Variants in BMPR1A observed in about 807,000 individuals in gnomAD.
BMPR1A encodes the protein bone morphogenetic protein receptor type-1A.
Under a neutral mutation model 66.0 loss-of-function variants are expected in BMPR1A, and 7 were observed. The observed-to-expected ratio is 0.11, with a 90% confidence interval of 0.06 to 0.20. BMPR1A has a LOEUF of 0.20. Among genes scored for constraint, BMPR1A ranks in the 10% least tolerant of loss-of-function variants. The pLI is 1.00. For synonymous variants in BMPR1A, 200 were observed against 229.7 expected, an observed-to-expected ratio of 0.87 and a Z score of 1.17; for missense variants, 408 against 669.1, an observed-to-expected ratio of 0.61 and a Z score of 4.31.
chr10:86,805,305 C>T (rs1841873156), intron 1 of BMPR1A, among the ~76,000 whole-genome samples: 1 of 151,704 alleles, frequency 6.6e-6, no homozygotes, highest in Non-Finnish European at 1.5e-5. Flanking sequence ...TTCATACCCA[C>T]ATTCACCAGT....
chr10:86,787,240 C>G (rs1430569130), intron 1 of BMPR1A, among the ~76,000 whole-genome samples: 2 of 151,648 alleles, frequency 1.3e-5, no homozygotes, highest in African/African-American at 2.4e-5. Context: ...ATTTAATAGA[C>G]CAGGAACAAC....
intron 1 of BMPR1A, among the ~76,000 whole-genome samples, chr10:86,822,288 G>A (rs935627177): frequency 5.3e-5 from 8 of 152,142 alleles, no homozygotes; most frequent in African/African-American, 1.7e-4. Context: ...CCCAGTCTGT[G>A]TATGAGTAAA....
chr10:86,848,897 C>A (rs1231445694), intron 2 of BMPR1A, among the ~76,000 whole-genome samples: 1 of 152,200 alleles, frequency 6.6e-6, no homozygotes, highest in Non-Finnish European at 1.5e-5. Flanking sequence ...TCAGCCCCCC[C>A]TCTATAATAG....
chr10:86,830,729 A>G (rs1842257306), intron 1 of BMPR1A, among the ~76,000 whole-genome samples: 1 of 152,106 alleles, frequency 6.6e-6, no homozygotes, highest in Non-Finnish European at 1.5e-5. Flanking sequence ...TGAGGCTTTT[A>G]TCACATATAT....
rs781082609 is a variant in BMPR1A, at chr10:86,919,347, A to G, written c.1044A>G (p.Glu348=). The G allele has an allele frequency of 3.7e-6, 6 of 1,613,426 alleles. No homozygotes were observed. Among genetic ancestry groups the G allele is most frequent in the Non-Finnish European group, 5.1e-6 (6 of 1,179,870 alleles). The change falls in exon 10 of 13, where the codon GAA becomes GAG. Residue 348 remains glutamate (E), a synonymous_variant. Coordinates refer to ENST00000372037, the MANE Select transcript of BMPR1A (RefSeq NM_004329.3). ...AACGLCHLHT[E]IYGTQGKPAI... ...GTGGTCTGTGCCACCTGCACACAGAAATTTATGGCACCCAAGGAAAGCCCG... is the reference window on the plus strand; with the variant it reads ...GTGGTCTGTGCCACCTGCACACAGAGATTTATGGCACCCAAGGAAAGCCCG...
intron 1 of BMPR1A, among the ~76,000 whole-genome samples, chr10:86,808,526 CG>C (rs1841923276): frequency 6.6e-6 from 1 of 152,026 alleles, no homozygotes; most frequent in African/African-American, 2.4e-5. Context: ...GTCAATTCAC[CG>C]AAAGAGTTAA....
At chr10:86,887,637 G>C (rs1254432589) in intron 3 of BMPR1A, among the ~76,000 whole-genome samples, 1 of 152,104 alleles carries the variant, frequency 6.6e-6, no homozygotes, top group African/African-American at 2.4e-5. Context: ...TTCACTTCTT[G>C]CTGTTATCTC....
In BMPR1A at chr10:86,924,774, C is replaced by T. The variant is rs886187795; in HGVS notation, c.*1055C>T. 4.3e-5 allele frequency: 10 copies of T among 232,588 alleles called. No homozygotes were observed. The highest frequency in any genetic ancestry group is 2.8e-4 in the Admixed American group (5 of 17,766). 14.4% of individuals were successfully genotyped at this position (232,588 alleles called of 1,614,324 possible). Reference sequence around the variant, plus strand: ...TTTACAACCATACTTTATATATGTACATACATTCATACTGTAGAAACCAGC... The same window carrying T: ...TTTACAACCATACTTTATATATGTATATACATTCATACTGTAGAAACCAGC... On this transcript the variant is annotated 3_prime_UTR_variant, in exon 13 of 13. Transcript: ENST00000372037.
intron 1 of BMPR1A, among the ~76,000 whole-genome samples, chr10:86,820,136 A>G (rs1048798743): frequency 9.2e-5 from 14 of 152,124 alleles, no homozygotes. Flanking sequence ...TCCACCTCCC[A>G]GGCTCAAGTG....
chr10:86,789,636 C>T (rs1252183823), intron 1 of BMPR1A, among the ~76,000 whole-genome samples: 2 of 151,556 alleles, frequency 1.3e-5, no homozygotes, highest in Admixed American at 1.3e-4. Context: ...TTGCTTGAAC[C>T]TGGAAGGCAG....
rs199793325 is a variant in BMPR1A, at chr10:86,836,310, T to TACTTC, written c.-267-2554_-267-2553insCTTCA. ...ACTATATTGCAAAGGTCCTAACCTT[T>TACTTC]ATTCACACAACTTCCAGTGTGTACA... On this transcript the variant is annotated intron_variant, in intron 1 of 12. Coordinates refer to ENST00000372037, the MANE Select transcript of BMPR1A (RefSeq NM_004329.3). 3.3e-5 allele frequency among the ~76,000 whole-genome samples: 5 copies of TACTTC among 152,216 alleles called. No homozygotes were observed. In the East Asian group the frequency reaches 5.8e-4, roughly 18 times the overall value.
intron 4 of BMPR1A, 97 bp downstream of exon 4, chr10:86,890,321 C>T (rs1187101202): frequency 7.1e-7 from 1 of 1,413,938 alleles, no homozygotes; most frequent in Non-Finnish European, 9.9e-7. Context: ...GTTTTTTTTT[C>T]ATTCATATAT....
At chr10:86,771,846 C>T (rs1198079293) in intron 1 of BMPR1A, among the ~76,000 whole-genome samples, 9 of 152,106 alleles carry the variant, frequency 5.9e-5, no homozygotes, top group African/African-American at 1.7e-4. Context: ...ACTGTAGCCT[C>T]GGCTGCCTGG....
intron 2 of BMPR1A, among the ~76,000 whole-genome samples, chr10:86,858,412 C>T (rs1301185234): frequency 2.0e-5 from 3 of 151,868 alleles, no homozygotes; most frequent in Non-Finnish European, 2.9e-5. Context: ...TTTGGAATTG[C>T]AAAATGATAT....
chr10:86,828,180 A>T (rs1289964935), intron 1 of BMPR1A, among the ~76,000 whole-genome samples: 2 of 152,134 alleles, frequency 1.3e-5, no homozygotes. Flanking sequence ...TCATGGTACA[A>T]CAATTACTTG....
intron 2 of BMPR1A, among the ~76,000 whole-genome samples, chr10:86,859,549 G>A (rs1181158651): frequency 6.6e-6 from 1 of 152,138 alleles, no homozygotes; most frequent in Non-Finnish European, 1.5e-5. Context: ...ACCGGAAGTG[G>A]TGGTTCATGC....
At chr10:86,848,380 A>G (rs1178604338) in intron 2 of BMPR1A, among the ~76,000 whole-genome samples, 2 of 152,308 alleles carry the variant, frequency 1.3e-5, no homozygotes, top group African/African-American at 2.4e-5. Context: ...AGTGTTAACT[A>G]TTATTTAATA....
At chr10:86,777,791 A>G (rs1158797312) in intron 1 of BMPR1A, among the ~76,000 whole-genome samples, 1 of 151,974 alleles carries the variant, frequency 6.6e-6, no homozygotes, top group Non-Finnish European at 1.5e-5. Flanking sequence ...AGGCAGGTGG[A>G]TCACCTGAGG....
At chr10:86,778,860 A>C (rs905433439) in intron 1 of BMPR1A, among the ~76,000 whole-genome samples, 3 of 150,036 alleles carry the variant, frequency 2.0e-5, no homozygotes, top group African/African-American at 7.4e-5. Flanking sequence ...GGCTTATTTC[A>C]TTTAATATAA....
Sources: allele counts gnomAD v4.1 joint callset (sites outside exome capture counted in the v4.1 genomes callset), GRCh38; gene constraint gnomAD v4.1.1; transcripts MANE v1.5; gene names NCBI Gene and HGNC (gene_info 2026-07-23, HGNC 2026-07-21).